The following TMEM120B variants were observed in gnomAD, a reference collection of about 807,000 sequenced individuals.
The protein encoded by TMEM120B is transmembrane protein 120B.
In TMEM120B, 31 loss-of-function variants were observed where a neutral mutation model predicts 55.5. That is an observed-to-expected ratio of 0.56 (90% CI 0.42 to 0.75). The LOEUF (loss-of-function observed/expected upper bound fraction) is 0.75. TMEM120B is among the 30% of genes least tolerant of loss of function. The pLI is 0.00. For synonymous variants in TMEM120B, 203 were observed against 176.3 expected, an observed-to-expected ratio of 1.15 and a Z score of -1.20; for missense variants, 399 against 425.5, an observed-to-expected ratio of 0.94 and a Z score of 0.55.
chr12:121,766,421 A>C (rs1209957063), intron 6 of TMEM120B, among the ~76,000 whole-genome samples: 1 of 152,112 alleles, frequency 6.6e-6, no homozygotes, highest in African/African-American at 2.4e-5. Flanking sequence ...AGGGCTCAGG[A>C]GGTGTTCATG....
In TMEM120B at chr12:121,723,597, T is replaced by A. The variant is rs542348108; in HGVS notation, c.69+10633T>A. 5.6e-4 allele frequency among the ~76,000 whole-genome samples: 86 copies of A among 152,240 alleles called. 1 individual carries two copies. Among genetic ancestry groups the A allele is most frequent in the African/African-American group, 1.9e-3 (80 of 41,536 alleles). ...GCCTCTCTCTTCTCCCGCCCTCCAG[T>A]CTTCTGGTGACTACCATTGACTAAA... On this transcript the variant is annotated intron_variant, in intron 1 of 11. Coordinates refer to ENST00000449592, the MANE Select transcript of TMEM120B (RefSeq NM_001080825.2).
rs1057352811 is a variant in TMEM120B at position 121,743,548 on chromosome 12, ACT to A, written c.70-75_70-74del. On this transcript the variant is annotated intron_variant, in intron 1 of 11. Transcript: ENST00000449592. Reference sequence around the variant, plus strand: ...ACTCCAGCCTGGGTGACAGAGCGAGACTCTCTCAAAAAAAAAAAGAAAAGAAA... The same window carrying A: ...ACTCCAGCCTGGGTGACAGAGCGAGACTCTCAAAAAAAAAAAGAAAAGAAA... 11 of 1,079,110 alleles carry A rather than the reference ACT, an allele frequency of 1.0e-5. No homozygotes were observed. The African/African-American group carries it at 1.4e-4, about 14-fold the overall frequency. 66.8% of individuals were successfully genotyped at this position (1,079,110 alleles called of 1,614,324 possible). A position where few individuals can be genotyped will look rare whatever the true frequency, so the allele number is the denominator to read the frequency against.
At chr12:121,769,185 C>T (rs577557177) in intron 6 of TMEM120B, among the ~76,000 whole-genome samples, 4 of 151,090 alleles carry the variant, frequency 2.6e-5, no homozygotes, top group Non-Finnish European at 5.9e-5. Context: ...CCCAAAAAAC[C>T]CAGCTGGGGG....
At chr12:121,756,473 TG>T (rs747086830) in intron 5 of TMEM120B, among the ~76,000 whole-genome samples, 8 of 152,216 alleles carry the variant, frequency 5.3e-5, no homozygotes, top group Non-Finnish European at 1.2e-4. Context: ...CAGTCCTAGC[TG>T]GTCTCAAACT....
Position 121,726,907 on chromosome 12 carries a change from C to CAAAAAA in TMEM120B, c.69+13967_69+13972dup, listed in dbSNP as rs71305665. Among the ~76,000 whole-genome samples, 701 of 73,658 alleles carry CAAAAAA rather than the reference C, an allele frequency of 9.5e-3. 38 individuals carry two copies. The highest frequency in any genetic ancestry group is 0.02 in the African/African-American group (440 of 22,366). The allele number at this position is 73,658 out of a possible 152,430, so 48.3% of individuals were successfully genotyped here. On this transcript the variant is annotated intron_variant, in intron 1 of 11. Coordinates refer to ENST00000449592, the MANE Select transcript of TMEM120B (RefSeq NM_001080825.2). ...TGGGCAACAGAGTGGGACTCTGTCTCAAAAAAAAAAAAAAAAAAAAAAAAA... is the reference window on the plus strand; with the variant it reads ...TGGGCAACAGAGTGGGACTCTGTCTCAAAAAAAAAAAAAAAAAAAAAAAAAAAAAAA...
chr12:121,727,873 CAAAAAA>C, intron 1 of TMEM120B, among the ~76,000 whole-genome samples: 1 of 80,572 alleles, frequency 1.2e-5, no homozygotes, highest in African/African-American at 5.1e-5. Flanking sequence ...CACTCCATCT[CAAAAAA>C]AAAAAAAAAA....
In TMEM120B at chr12:121,759,959, C is replaced by G. The variant is rs1173646230; in HGVS notation, c.462-1690C>G. On this transcript the variant is annotated intron_variant, in intron 5 of 11. Transcript: ENST00000449592. Reference sequence around the variant, plus strand: ...CATCCTGACCAACATGGTGAAACCTCTTCTCTACTAAAAGTACAAAAATCA... The same window carrying G: ...CATCCTGACCAACATGGTGAAACCTGTTCTCTACTAAAAGTACAAAAATCA... Among the ~76,000 whole-genome samples the G allele has an allele frequency of 4.6e-5, 7 of 151,992 alleles. No individual in the cohort carries two copies. The East Asian group carries it at 1.4e-3, about 29-fold the overall frequency.
rs1874414450 is a variant in TMEM120B at position 121,780,601 on chromosome 12, G to A, written c.*4879G>A. 4 of 542,374 alleles carry A rather than the reference G, an allele frequency of 7.4e-6. No individual in the cohort carries two copies. 33.6% of individuals were successfully genotyped at this position (542,374 alleles called of 1,614,324 possible). ...CACTTCTCGCTAGCTGTGTGGCCCTGGGCAAGCTGCTTAACCTCTCTGGGC... is the reference window on the plus strand; with the variant it reads ...CACTTCTCGCTAGCTGTGTGGCCCTAGGCAAGCTGCTTAACCTCTCTGGGC... On this transcript the variant is annotated 3_prime_UTR_variant, in exon 12 of 12. Transcript: ENST00000449592.
Position 121,779,455 on chromosome 12 carries a change from C to T in TMEM120B, c.*3733C>T, listed in dbSNP as rs368862251. ...CCCTGGTGCAATCGGCACCTGGGCCCCCGGGCCCTGTCAGTGCTGTCGTGA... is the reference window on the plus strand; with the variant it reads ...CCCTGGTGCAATCGGCACCTGGGCCTCCGGGCCCTGTCAGTGCTGTCGTGA... On this transcript the variant is annotated 3_prime_UTR_variant, in exon 12 of 12. Transcript: ENST00000449592. 3.1e-6 allele frequency: 5 copies of T among 1,598,588 alleles called. No homozygotes were observed. The highest frequency in any genetic ancestry group is 1.7e-4 in the Middle Eastern group (1 of 5,844).
intron 1 of TMEM120B, among the ~76,000 whole-genome samples, chr12:121,732,533 A>G (rs1025614349): frequency 4.6e-5 from 7 of 152,208 alleles, no homozygotes; most frequent in African/African-American, 1.7e-4. Flanking sequence ...TTATCCAGTC[A>G]CCATCACCAG....
intron 6 of TMEM120B, among the ~76,000 whole-genome samples, chr12:121,770,383 G>C (rs148601261): frequency 6.6e-6 from 1 of 152,182 alleles, no homozygotes; most frequent in African/African-American, 2.4e-5. Context: ...CAAAGGCCCT[G>C]TCTTCAAATA....
intron 6 of TMEM120B, among the ~76,000 whole-genome samples, chr12:121,768,651 G>A (rs1873923791): frequency 6.6e-6 from 1 of 152,218 alleles, no homozygotes; most frequent in Admixed American, 6.5e-5. Context: ...GGAGGAGGGA[G>A]TTGGCTGCTC....
At chr12:121,717,767 C>T (rs1894727164) in intron 1 of TMEM120B, among the ~76,000 whole-genome samples, 1 of 152,216 alleles carries the variant, frequency 6.6e-6, no homozygotes, top group Admixed American at 6.5e-5. Context: ...AAGCGATTCT[C>T]CTGCCTCAGC....
At chr12:121,745,212 G>A (rs1592934862) in intron 2 of TMEM120B, among the ~76,000 whole-genome samples, 2 of 152,114 alleles carry the variant, frequency 1.3e-5, no homozygotes, top group African/African-American at 4.8e-5. Flanking sequence ...TTAGACCAAG[G>A]ACCCCTGTCA....
At chr12:121,713,702 G>T (rs1482517973) in intron 1 of TMEM120B, among the ~76,000 whole-genome samples, 1 of 152,138 alleles carries the variant, frequency 6.6e-6, no homozygotes, top group African/African-American at 2.4e-5. Flanking sequence ...AGCGGTCCTG[G>T]CAGCAGTTGT....
At chr12:121,759,416 G>A (rs1365415812) in intron 5 of TMEM120B, among the ~76,000 whole-genome samples, 2 of 152,054 alleles carry the variant, frequency 1.3e-5, no homozygotes, top group Admixed American at 6.6e-5. Context: ...GGTGGCTCAC[G>A]CTTGTAGTCC....
intron 1 of TMEM120B, among the ~76,000 whole-genome samples, chr12:121,713,345 C>T (rs1405352756): frequency 2.6e-5 from 4 of 152,210 alleles, no homozygotes; most frequent in African/African-American, 4.8e-5. Flanking sequence ...ACCCCGCCCC[C>T]TCCCATCTGC....
chr12:121,733,877 T>C (rs1394559589), intron 1 of TMEM120B, among the ~76,000 whole-genome samples: 1 of 151,606 alleles, frequency 6.6e-6, no homozygotes, highest in East Asian at 1.9e-4. Context: ...AGACATATTA[T>C]TGAGTGAGAA....
At chr12:121,720,513 C>T (rs1387594313) in intron 1 of TMEM120B, among the ~76,000 whole-genome samples, 1 of 152,076 alleles carries the variant, frequency 6.6e-6, no homozygotes, top group Non-Finnish European at 1.5e-5. Context: ...AGTTTGAGAC[C>T]AGCCTAGGCA....
Sources: allele counts gnomAD v4.1 joint callset (sites outside exome capture counted in the v4.1 genomes callset), GRCh38; gene constraint gnomAD v4.1.1; transcripts MANE v1.5; gene names NCBI Gene and HGNC (gene_info 2026-07-23, HGNC 2026-07-21).